Variants in WDR1 observed in about 807,000 individuals in gnomAD.
The protein encoded by WDR1 is WD repeat-containing protein 1.
WDR1 carries 21 observed loss-of-function variants against 71.9 expected under a neutral mutation model. That is an observed-to-expected ratio of 0.29 (90% CI 0.21 to 0.42). The LOEUF is 0.42. Among genes scored for constraint, WDR1 ranks in the 10% least tolerant of loss-of-function variants. WDR1 has a pLI of 1.00. For missense variants in WDR1, 696 were observed against 824.5 expected (o/e 0.84, Z 1.91); for synonymous variants, 424 against 347.4 (o/e 1.22, Z -2.45).
chr4:10,075,720 G>A, intron 14 of WDR1: 1 of 572,274 alleles, frequency 1.7e-6, no homozygotes, highest in East Asian at 2.9e-5. Flanking sequence ...GTAATTAGCA[G>A]CATCCCTGGC....
At chr4:10,110,492 G>T (rs1713283899) in intron 2 of WDR1, among the ~76,000 whole-genome samples, 1 of 152,206 alleles carries the variant, frequency 6.6e-6, no homozygotes, top group Middle Eastern at 3.2e-3. Flanking sequence ...GGCCACAGTG[G>T]GGCTGAGAGG....
chr4:10,108,820 C>G (rs1295255911), intron 2 of WDR1, among the ~76,000 whole-genome samples: 4 of 152,208 alleles, frequency 2.6e-5, no homozygotes, highest in Non-Finnish European at 5.9e-5. Flanking sequence ...CCTGATGCTC[C>G]AAGCTAGAAA....
chr4:10,093,194 T>C (rs762171872), intron 5 of WDR1: 3 of 1,272,712 alleles, frequency 2.4e-6, no homozygotes, highest in Non-Finnish European at 3.1e-6. Context: ...AGGAACCCTC[T>C]GGGAGCCCAC....
At position 10,081,524 on chromosome 4, in the gene WDR1, C is replaced by T. The variant is rs1578417712; in HGVS notation, c.1197-80G>A. 1.7e-5 allele frequency: 23 copies of T among 1,355,742 alleles called. 1 individual carries two copies. The East Asian group carries it at 5.1e-4, about 30-fold the overall frequency. 84.0% of individuals were successfully genotyped at this position (1,355,742 alleles called of 1,614,324 possible). ...TATGCATACATATTTACTGTTAAAC[C>T]ACAGTTTTGCTCCTTAGAAGGCAAT... On this transcript the variant is annotated intron_variant, in intron 10 of 14. Transcript: ENST00000499869.
intron 3 of WDR1, among the ~76,000 whole-genome samples, chr4:10,103,533 T>C (rs1468833485): frequency 6.6e-6 from 1 of 152,098 alleles, no homozygotes; most frequent in Non-Finnish European, 1.5e-5. Flanking sequence ...TTGGCTTCCC[T>C]GGGCCACAGA....
intron 8 of WDR1, among the ~76,000 whole-genome samples, chr4:10,084,911 C>T (rs973043915): frequency 3.9e-5 from 6 of 152,210 alleles, no homozygotes; most frequent in African/African-American, 9.6e-5. Flanking sequence ...ACAAGGGGGT[C>T]GGTCCAGGAG....
At chr4:10,090,739 C>G (rs185076494) in intron 5 of WDR1, among the ~76,000 whole-genome samples, 2 of 152,216 alleles carry the variant, frequency 1.3e-5, no homozygotes, top group Non-Finnish European at 2.9e-5. Flanking sequence ...CGTGTTTTAA[C>G]TTAGATGAAA....
At position 10,097,761 on chromosome 4, in the gene WDR1, AG is replaced by A; in HGVS notation, c.507del (p.Cys170AlafsTer96). The A allele has an allele frequency of 6.2e-7, 1 of 1,613,670 alleles. No homozygotes were observed. Among genetic ancestry groups the A allele is most frequent in the Non-Finnish European group, 8.5e-7 (1 of 1,179,722 alleles). On this transcript the variant is annotated frameshift_variant, in exon 5 of 15. Coordinates refer to ENST00000499869, the MANE Select transcript of WDR1 (RefSeq NM_017491.5). LOFTEE classifies it high-confidence loss of function. ...GGGGGTCCCTCAAAGAATGCCGCGCAGTTATCATCGCTTCCCGTGGCCAGCC... is the reference window on the plus strand; with the variant it reads ...GGGGGTCCCTCAAAGAATGCCGCGCATTATCATCGCTTCCCGTGGCCAGCC... ...PYRLATGSDD[N>X]CAAFFEGPPF...
At chr4:10,097,918 CAAAAAAAAAA>C in intron 4 of WDR1, 27 bp from the exon 5 acceptor site, 1 of 1,209,930 alleles carries the variant, frequency 8.3e-7, no homozygotes, top group Non-Finnish European at 1.0e-6. Context: ...AGGTGGAAGA[CAAAAAAAAAA>C]AAAAAAAATC....
At chr4:10,101,700 A>G (rs1040765557) in intron 3 of WDR1, among the ~76,000 whole-genome samples, 1 of 152,180 alleles carries the variant, frequency 6.6e-6, no homozygotes, top group African/African-American at 2.4e-5. Context: ...CTTTCTGGGG[A>G]CTGGGGACAG....
intron 2 of WDR1, among the ~76,000 whole-genome samples, chr4:10,106,181 G>A (rs961873064): frequency 6.6e-6 from 1 of 152,114 alleles, no homozygotes; most frequent in Non-Finnish European, 1.5e-5. Context: ...GTGCTTATGG[G>A]ACTATATAGG....
intron 10 of WDR1, among the ~76,000 whole-genome samples, chr4:10,082,631 G>A (rs182598032): frequency 3.6e-4 from 55 of 151,394 alleles, no homozygotes; most frequent in African/African-American, 1.3e-3. Flanking sequence ...ATGCTGTCTT[G>A]TACTCAGCAC....
intron 5 of WDR1, among the ~76,000 whole-genome samples, chr4:10,090,548 C>G (rs1711901175): frequency 6.6e-6 from 1 of 152,214 alleles, no homozygotes; most frequent in Non-Finnish European, 1.5e-5. Flanking sequence ...AAAAGCAACC[C>G]TGGGCTTCCT....
chr4:10,094,352 G>A (rs894015587), intron 5 of WDR1, among the ~76,000 whole-genome samples: 2 of 152,220 alleles, frequency 1.3e-5, no homozygotes, highest in South Asian at 4.1e-4. Flanking sequence ...GGAGGAAGCG[G>A]ATGGCCAGAG....
At chr4:10,087,977 A>G (rs1371310021) in intron 7 of WDR1, 37 bp from the exon 8 acceptor site, 2 of 1,521,566 alleles carry the variant, frequency 1.3e-6, no homozygotes, top group Non-Finnish European at 1.8e-6. Context: ...GTGCCAGAGG[A>G]CTACAGACTG....
At chr4:10,081,509 T>C (rs943913754) in intron 10 of WDR1, 65 bp from the exon 11 acceptor site, 42 of 1,468,038 alleles carry the variant, frequency 2.9e-5, no homozygotes, top group East Asian at 4.6e-5. Flanking sequence ...TATGCATACA[T>C]ATTTACTGTT....
In WDR1 at chr4:10,099,157, C is replaced by CCCCGGGGGGG; in HGVS notation, c.230-19_230-18insCCCCCCCGGG. ...AGACACATCTGTGGGGCACAGCGGG[C>CCCCGGGGGGG]GGGGGAGGGGGGGAGGCGGTGGTGG... On this transcript the variant is annotated intron_variant, in intron 3 of 14. Transcript: ENST00000499869. 4.4e-6 allele frequency: 1 copy of CCCCGGGGGGG among 226,428 alleles called. No individual in the cohort carries two copies. The highest frequency in any genetic ancestry group is 6.7e-6 in the Non-Finnish European group (1 of 148,984). The allele number at this position is 226,428 out of a possible 1,614,324, so 14.0% of individuals were successfully genotyped here.
chr4:10,106,540 C>G (rs902673167), intron 2 of WDR1: 1 of 152,238 alleles, frequency 6.6e-6, no homozygotes, highest in African/African-American at 2.4e-5. Context: ...CTCCCCAGGC[C>G]GTGCTGCCGT....
chr4:10,105,950 A>G (rs1033681069), intron 2 of WDR1, among the ~76,000 whole-genome samples: 1 of 152,246 alleles, frequency 6.6e-6, no homozygotes, highest in African/African-American at 2.4e-5. Flanking sequence ...GTGCAAATGC[A>G]CTCAACACCA....
Sources: gnomAD v4.1 joint callset for allele counts (sites outside exome capture counted in the v4.1 genomes callset) on GRCh38, gnomAD v4.1.1 for gene constraint, MANE v1.5 for transcripts, NCBI Gene and HGNC (gene_info 2026-07-23, HGNC 2026-07-21) for gene names.